ROBO2: variants seen among roughly 807,000 people sequenced by gnomAD.
ROBO2 encodes roundabout homolog 2.
A neutral mutation model predicts 160.8 loss-of-function variants in ROBO2; 53 were observed. The ratio of observed to expected loss-of-function variants is 0.33; its 90% CI spans 0.26 to 0.41. The LOEUF (loss-of-function observed/expected upper bound fraction) is 0.41, where lower values mean the gene tolerates loss of function less well. ROBO2 is among the 10% of genes least tolerant of loss of function. The probability of loss-of-function intolerance (pLI) is 1.00; values close to 1 mark genes in which losing one functional copy is unlikely to be tolerated. For synonymous variants in ROBO2, 664 were observed against 611.7 expected, an observed-to-expected ratio of 1.09 and a Z score of -1.26; for missense variants, 1,577 against 1,722.4, an observed-to-expected ratio of 0.92 and a Z score of 1.49.
intron 2 of ROBO2, among the ~76,000 whole-genome samples, chr3:76,449,033 A>G (rs550468576): frequency 6.6e-6 from 1 of 152,328 alleles, no homozygotes; most frequent in African/African-American, 2.4e-5. Flanking sequence ...AATTTTAGTT[A>G]AAGTCCATTT....
intron 2 of ROBO2, among the ~76,000 whole-genome samples, chr3:76,208,718 G>A (rs1468372576): frequency 4.6e-5 from 7 of 151,978 alleles, no homozygotes; most frequent in Admixed American, 4.6e-4. Context: ...CATAAATTCT[G>A]CCCTTAGATA....
At chr3:76,634,138 A>T (rs2090182546) in intron 2 of ROBO2, among the ~76,000 whole-genome samples, 1 of 152,212 alleles carries the variant, frequency 6.6e-6, no homozygotes. Context: ...AGCGAGCAAA[A>T]AATCAAGGTT....
intron 2 of ROBO2, among the ~76,000 whole-genome samples, chr3:77,390,563 G>T (rs2074618931): frequency 6.6e-6 from 1 of 152,038 alleles, no homozygotes; most frequent in African/African-American, 2.4e-5. Flanking sequence ...TGCCATAACT[G>T]TGAGGACTCC....
intron 2 of ROBO2, among the ~76,000 whole-genome samples, chr3:76,304,190 CA>C (rs1352280792): frequency 2.6e-5 from 4 of 152,078 alleles, no homozygotes; most frequent in Non-Finnish European, 5.9e-5. Flanking sequence ...ATACATTGTG[CA>C]AAAAACAAGC....
intron 21 of ROBO2, among the ~76,000 whole-genome samples, chr3:77,608,538 A>AC (rs2094568249): frequency 6.6e-6 from 1 of 152,202 alleles, no homozygotes; most frequent in African/African-American, 2.4e-5. Context: ...TTTAAATGGG[A>AC]CCAGTTTCCT....
At chr3:76,102,894 G>A (rs1308536035) in intron 2 of ROBO2, among the ~76,000 whole-genome samples, 1 of 151,212 alleles carries the variant, frequency 6.6e-6, no homozygotes, top group Non-Finnish European at 1.5e-5. Flanking sequence ...GTGCGATCTC[G>A]GCTCACTGCA....
At chr3:75,973,228 CTA>C (rs531091419) in intron 2 of ROBO2, among the ~76,000 whole-genome samples, 87 of 151,756 alleles carry the variant, frequency 5.7e-4, no homozygotes, top group African/African-American at 2.0e-3. Flanking sequence ...AACTACAAAT[CTA>C]TTCTGTAACA....
At chr3:76,129,682 T>G (rs2071148848) in intron 2 of ROBO2, among the ~76,000 whole-genome samples, 1 of 152,118 alleles carries the variant, frequency 6.6e-6, no homozygotes, top group Non-Finnish European at 1.5e-5. Flanking sequence ...ACTTCTTTCA[T>G]GAAAGCAGAG....
At chr3:76,511,526 T>C (rs1245333105) in intron 2 of ROBO2, among the ~76,000 whole-genome samples, 1 of 152,098 alleles carries the variant, frequency 6.6e-6, no homozygotes, top group Non-Finnish European at 1.5e-5. Flanking sequence ...GTGACCAGGA[T>C]ATCTTTAGAT....
At chr3:77,452,732 C>A (rs766640888) in intron 2 of ROBO2, among the ~76,000 whole-genome samples, 4 of 152,018 alleles carry the variant, frequency 2.6e-5, no homozygotes, top group Non-Finnish European at 5.9e-5. Flanking sequence ...GGATTCATTT[C>A]TTGAATGTGA....
At chr3:77,016,418 A>C (rs2062259742) in intron 2 of ROBO2, among the ~76,000 whole-genome samples, 1 of 152,128 alleles carries the variant, frequency 6.6e-6, no homozygotes, top group African/African-American at 2.4e-5. Context: ...TCCACTGTTC[A>C]TTGCAAATAC....
intron 2 of ROBO2, among the ~76,000 whole-genome samples, chr3:76,292,157 C>T (rs1306994802): frequency 2.6e-5 from 4 of 152,122 alleles, no homozygotes; most frequent in Admixed American, 2.6e-4. Context: ...TCTACCATTT[C>T]TTGTTGGCTG....
At chr3:77,097,621 A>C (rs769900567) in intron 1 of ROBO2, among the ~76,000 whole-genome samples, 9 of 152,164 alleles carry the variant, frequency 5.9e-5, no homozygotes, top group Non-Finnish European at 8.8e-5. Flanking sequence ...ATTAAATGCT[A>C]TCTATGTGTG....
chr3:76,693,042 CTCT>C (rs1421873920), intron 2 of ROBO2, among the ~76,000 whole-genome samples: 4 of 135,980 alleles, frequency 2.9e-5, no homozygotes, highest in African/African-American at 1.3e-4. Context: ...ACATAAGTCT[CTCT>C]CCCTATATAT....
Position 77,619,426 on chromosome 3 carries a change from T to C in ROBO2, c.3554+1653T>C, listed in dbSNP as rs566718738. 5.9e-5 allele frequency among the ~76,000 whole-genome samples: 9 copies of C among 152,212 alleles called. No individual in the cohort carries two copies. In the South Asian group the frequency reaches 1.9e-3, roughly 32 times the overall value. ...TCTATTACAGTGAAAAGATACGCAT[T>C]AAAATCAGCCAAAAGAAGAAATGCA... is the stretch of plus-strand genomic sequence containing the variant. On this transcript the variant is annotated intron_variant, in intron 22 of 25. Transcript: ENST00000461745.
Position 76,059,401 on chromosome 3 carries a change from T to A in ROBO2, c.109+121799T>A, listed in dbSNP as rs1216572629. Among the ~76,000 whole-genome samples the A allele has an allele frequency of 2.6e-5, 4 of 152,186 alleles. No individual in the cohort carries two copies. In the South Asian group the frequency reaches 6.2e-4, roughly 24 times the overall value. ...TGATTTGCATTTCTCTGATGACCAG[T>A]GATGATGAGCATTTTTTCATGTGTT... On this transcript the variant is annotated intron_variant, in intron 2 of 26. Transcript: ENST00000487694.
In ROBO2 at chr3:76,493,469, T is replaced by C. The variant is rs1386466810; in HGVS notation, c.109+555867T>C. ...TCATATCAAAATATTAAAAGATTGCTTTAGGCTGTTATTTTAGTCTTGTTT... is the reference window on the plus strand; with the variant it reads ...TCATATCAAAATATTAAAAGATTGCCTTAGGCTGTTATTTTAGTCTTGTTT... On this transcript the variant is annotated intron_variant, in intron 2 of 26. Transcript: ENST00000487694. Among the ~76,000 whole-genome samples the C allele has an allele frequency of 4.6e-5, 7 of 151,506 alleles. No individual in the cohort carries two copies. In the South Asian group the frequency reaches 1.5e-3, roughly 32 times the overall value.
At chr3:76,427,765 T>C (rs2076278103) in intron 2 of ROBO2, among the ~76,000 whole-genome samples, 1 of 152,202 alleles carries the variant, frequency 6.6e-6, no homozygotes, top group Non-Finnish European at 1.5e-5. Context: ...TTTGGCAAAG[T>C]AATCTGATTT....
intron 2 of ROBO2, among the ~76,000 whole-genome samples, chr3:77,433,334 A>G (rs989859186): frequency 4.0e-5 from 6 of 151,236 alleles, no homozygotes; most frequent in Non-Finnish European, 7.4e-5. Context: ...GCTGTTTCCC[A>G]TCCGTCCTAA....
Sources: gnomAD v4.1 joint callset for allele counts (sites outside exome capture counted in the v4.1 genomes callset) on GRCh38, gnomAD v4.1.1 for gene constraint, MANE v1.5 for transcripts, NCBI Gene and HGNC (gene_info 2026-07-23, HGNC 2026-07-21) for gene names.